ADGRB3: variants seen among roughly 807,000 people sequenced by gnomAD.
ADGRB3 encodes the protein brain-specific angiogenesis inhibitor 3.
Under a neutral mutation model 193.4 loss-of-function variants are expected in ADGRB3, and 37 were observed. That is an observed-to-expected ratio of 0.19 (90% CI 0.15 to 0.25). The LOEUF is 0.25. Ranked by LOEUF, ADGRB3 falls within the 10% of genes least tolerant of loss-of-function variation. The pLI, the probability that ADGRB3 is intolerant of heterozygous loss-of-function variation, is 1.00. For missense variants in ADGRB3, 1,637 were observed against 1,852.9 expected, an observed-to-expected ratio of 0.88 and a Z score of 2.14; for synonymous variants, 690 against 644.2, an observed-to-expected ratio of 1.07 and a Z score of -1.08.
intron 3 of ADGRB3, among the ~76,000 whole-genome samples, chr6:68,749,418 G>A (rs1008962915): frequency 1.1e-4 from 15 of 141,384 alleles, no homozygotes; most frequent in African/African-American, 3.4e-4. Flanking sequence ...ATGTGTGTGT[G>A]TGTGTGTGTG....
intron 17 of ADGRB3, among the ~76,000 whole-genome samples, chr6:69,112,300 A>G (rs1350209687): frequency 6.6e-6 from 1 of 152,180 alleles, no homozygotes; most frequent in Non-Finnish European, 1.5e-5. Context: ...AGGAAAGGAA[A>G]ATAAGTGGAG....
At chr6:69,315,595 T>C (rs1722506362) in intron 20 of ADGRB3, among the ~76,000 whole-genome samples, 2 of 151,490 alleles carry the variant, frequency 1.3e-5, no homozygotes, top group African/African-American at 4.8e-5. Flanking sequence ...TTAGTGCAGC[T>C]TTTAAAGAAC....
chr6:68,926,941 A>G (rs894675677), intron 3 of ADGRB3, among the ~76,000 whole-genome samples: 2 of 152,072 alleles, frequency 1.3e-5, no homozygotes, highest in African/African-American at 4.8e-5. Flanking sequence ...TATTTTTAAA[A>G]TTTTTCTTTC....
chr6:68,964,365 A>G (rs1768318303), intron 8 of ADGRB3, among the ~76,000 whole-genome samples: 1 of 152,178 alleles, frequency 6.6e-6, no homozygotes, highest in Non-Finnish European at 1.5e-5. Flanking sequence ...TGGTTCCTAA[A>G]GCCTCAGAGC....
chr6:69,102,428 TA>T (rs1418111971), intron 17 of ADGRB3, among the ~76,000 whole-genome samples: 1 of 152,240 alleles, frequency 6.6e-6, no homozygotes, highest in East Asian at 1.9e-4. Context: ...TAAATGTTTT[TA>T]ATGTACATCT....
intron 17 of ADGRB3, among the ~76,000 whole-genome samples, chr6:69,115,292 G>A: frequency 6.6e-6 from 1 of 152,186 alleles, no homozygotes; most frequent in East Asian, 1.9e-4. Context: ...CATGTCCTTT[G>A]CAGGTACATG....
chr6:68,686,266 A>G (rs1368424217), intron 3 of ADGRB3, among the ~76,000 whole-genome samples: 1 of 152,182 alleles, frequency 6.6e-6, no homozygotes, highest in Non-Finnish European at 1.5e-5. Context: ...TAAGTTTCTC[A>G]AAACACTTTC....
intron 17 of ADGRB3, among the ~76,000 whole-genome samples, chr6:69,192,242 G>C (rs745694027): frequency 1.3e-5 from 2 of 152,088 alleles, no homozygotes; most frequent in African/African-American, 2.4e-5. Context: ...TTCAGTCTGC[G>C]GTCAAAGGTC....
chr6:68,908,496 G>T (rs1180383141), intron 3 of ADGRB3, among the ~76,000 whole-genome samples: 4 of 151,966 alleles, frequency 2.6e-5, no homozygotes, highest in Admixed American at 6.6e-5. Context: ...TCAAAAGTGG[G>T]CTTTCTCCAA....
intron 26 of ADGRB3, among the ~76,000 whole-genome samples, chr6:69,348,666 A>T (rs1045394721): frequency 2.0e-5 from 3 of 152,162 alleles, no homozygotes; most frequent in Middle Eastern, 3.4e-3. Context: ...TGCCAAAAAA[A>T]AAAAAGAAGA....
intron 29 of ADGRB3, among the ~76,000 whole-genome samples, chr6:69,363,003 G>T (rs1189799043): frequency 6.6e-6 from 1 of 151,916 alleles, no homozygotes; most frequent in African/African-American, 2.4e-5. Context: ...GTGTTAAAGG[G>T]GGTTGAATGG....
intron 17 of ADGRB3, among the ~76,000 whole-genome samples, chr6:69,162,355 A>C (rs1775019909): frequency 1.3e-5 from 2 of 152,160 alleles, no homozygotes. Flanking sequence ...AAGTAACTTA[A>C]GTTATATGAA....
intron 3 of ADGRB3, among the ~76,000 whole-genome samples, chr6:68,666,092 A>T (rs185468150): frequency 6.6e-6 from 1 of 152,012 alleles, no homozygotes; most frequent in African/African-American, 2.4e-5. Flanking sequence ...TTTGAGTGTC[A>T]TGTTCTTCAT....
intron 3 of ADGRB3, among the ~76,000 whole-genome samples, chr6:68,699,032 G>T (rs1471786327): frequency 6.6e-6 from 1 of 151,920 alleles, no homozygotes; most frequent in Non-Finnish European, 1.5e-5. Context: ...TTAATAAAAT[G>T]AATATTAAAA....
intron 16 of ADGRB3, among the ~76,000 whole-genome samples, chr6:69,074,294 G>C (rs1262166741): frequency 3.9e-5 from 6 of 152,114 alleles, no homozygotes; most frequent in African/African-American, 1.2e-4. Context: ...ATACATTTTA[G>C]AACAGTAAGC....
At chr6:69,062,229 GTTCAGT>G (rs1451704225) in intron 15 of ADGRB3, among the ~76,000 whole-genome samples, 5 of 151,416 alleles carry the variant, frequency 3.3e-5, no homozygotes, top group Non-Finnish European at 7.4e-5. Flanking sequence ...GAAAAAGTTG[GTTCAGT>G]TTTATGTTTA....
chr6:69,085,227 T>C (rs1394315656), intron 17 of ADGRB3, among the ~76,000 whole-genome samples: 2 of 152,160 alleles, frequency 1.3e-5, no homozygotes, highest in Non-Finnish European at 2.9e-5. Flanking sequence ...AAGTCGGTTT[T>C]GAAAGTATTT....
chr6:68,721,330 C>T (rs1765573622), intron 3 of ADGRB3, among the ~76,000 whole-genome samples: 1 of 151,746 alleles, frequency 6.6e-6, no homozygotes. Flanking sequence ...TTTGTAGGGA[C>T]ATGGATGAAG....
intron 3 of ADGRB3, among the ~76,000 whole-genome samples, chr6:68,844,121 C>A (rs1768224920): frequency 6.6e-6 from 1 of 152,080 alleles, no homozygotes; most frequent in East Asian, 1.9e-4. Flanking sequence ...GCAAAGATTT[C>A]TTGAATAATA....
Sources: allele counts gnomAD v4.1 joint callset (sites outside exome capture counted in the v4.1 genomes callset), GRCh38; gene constraint gnomAD v4.1.1; transcripts MANE v1.5; gene names NCBI Gene and HGNC (gene_info 2026-07-23, HGNC 2026-07-21).